FSD2: variants seen among roughly 807,000 people sequenced by gnomAD.
The protein encoded by FSD2 is fibronectin type III and SPRY domain containing 2, also known as fibronectin type III and SPRY domain-containing protein 2.
A neutral mutation model predicts 80.4 loss-of-function variants in FSD2; 71 were observed. The ratio of observed to expected loss-of-function variants is 0.88; its 90% confidence interval spans 0.73 to 1.08. The LOEUF is 1.08. FSD2 is among the 50% of genes least tolerant of loss of function. FSD2 has a pLI of 0.00. For missense variants in FSD2, 923 were observed against 913.8 expected (o/e 1.01, Z -0.13); for synonymous variants, 361 against 329.5 (o/e 1.10, Z -1.03).
At position 82,773,540 on chromosome 15, in the gene FSD2, A is replaced by T. The variant is rs556673726; in HGVS notation, c.1112-1312T>A. Among the ~76,000 whole-genome samples the T allele has an allele frequency of 3.3e-5, 5 of 152,298 alleles. No homozygotes were observed. In the South Asian group the frequency reaches 1.0e-3, roughly 32 times the overall value. ...TCTGGACACAGAAAAGTGAAGAAAAATGTCACTGCTTCTCAAGCACGGATT... is the reference window on the plus strand; with the variant it reads ...TCTGGACACAGAAAAGTGAAGAAAATTGTCACTGCTTCTCAAGCACGGATT... On this transcript the variant is annotated intron_variant, in intron 6 of 12. Transcript: ENST00000334574.
chr15:82,778,426 A>T (rs930104473), intron 6 of FSD2, among the ~76,000 whole-genome samples: 2 of 152,080 alleles, frequency 1.3e-5, no homozygotes, highest in Non-Finnish European at 2.9e-5. Context: ...GCTAAGTGAC[A>T]TTAGCCAGTC....
intron 11 of FSD2, among the ~76,000 whole-genome samples, chr15:82,763,449 A>C (rs1437961287): frequency 6.6e-6 from 1 of 152,224 alleles, no homozygotes; most frequent in Non-Finnish European, 1.5e-5. Flanking sequence ...GTAATAGTAC[A>C]GGGCTGTTAG....
chr15:82,789,972 C>T (rs1031262342), intron 1 of FSD2, among the ~76,000 whole-genome samples: 3 of 152,104 alleles, frequency 2.0e-5, no homozygotes, highest in Admixed American at 1.3e-4. Flanking sequence ...GTCAGGAGTT[C>T]GAGACCAGCC....
intron 4 of FSD2, among the ~76,000 whole-genome samples, chr15:82,781,782 G>A (rs1050156027): frequency 2.6e-5 from 4 of 151,996 alleles, no homozygotes; most frequent in East Asian, 1.9e-4. Flanking sequence ...ACTCTTGGCC[G>A]GGCGCGGTGG....
chr15:82,766,377 T>C lies in FSD2; in HGVS notation c.1554-346A>G, dbSNP rs920991793. On this transcript the variant is annotated intron_variant, in intron 9 of 12. Coordinates refer to ENST00000334574, the MANE Select transcript of FSD2 (RefSeq NM_001007122.4). ...AATCCAGTGTGTCTCTGTCCGTCTG[T>C]TAGGATCATAATGTCTCTGAGGTCA... Among the ~76,000 whole-genome samples, 3 of 152,150 alleles carry C rather than the reference T, an allele frequency of 2.0e-5. No homozygotes were observed. In the East Asian group the frequency reaches 5.8e-4, roughly 29 times the overall value.
intron 11 of FSD2, among the ~76,000 whole-genome samples, chr15:82,763,078 TTCTACC>T (rs1170382870): frequency 7.2e-5 from 11 of 152,332 alleles, no homozygotes; most frequent in East Asian, 3.9e-4. Flanking sequence ...GTTGGTTAAC[TTCTACC>T]TCGGTTACCT....
Position 82,769,787 on chromosome 15 carries a change from G to T in FSD2, c.1365C>A (p.Gly455=), listed in dbSNP as rs1355241290. ...CTGCACGCTCGCTAGAGGGGCTGGG[G>T]CCAGCCCTGTTGTGAGCTGTGACCC... ...EFWVTAHNRA[G]PSPSSERAVY... Residue 455 remains glycine (G), a synonymous_variant, in exon 8 of 13, where the codon GGC becomes GGA. Transcript: ENST00000334574. The T allele has an allele frequency of 1.2e-6, 2 of 1,613,920 alleles. No individual in the cohort carries two copies.
rs1311806579 is a variant in FSD2 at position 82,777,380 on chromosome 15, TC to T, written c.1111+1385del. Among the ~76,000 whole-genome samples, 4 of 151,734 alleles carry T rather than the reference TC, an allele frequency of 2.6e-5. No homozygotes were observed. In the East Asian group the frequency reaches 7.7e-4, roughly 29 times the overall value. ...ATCTTCTACAACTCAATAGCAAAAA[TC>T]CAAACCGATTAAAAAATGGGCAAAG... On this transcript the variant is annotated intron_variant, in intron 6 of 12. Transcript: ENST00000334574.
Position 82,787,167 on chromosome 15 carries a change from A to T in FSD2, c.224T>A (p.Val75Asp). The change falls in exon 2 of 13, where the codon GTC becomes GAC. Residue 75 changes from valine to aspartate, a missense_variant. By Grantham distance (152) the Val-to-Asp change is radical. Transcript: ENST00000334574. ...ATCATCTTCAAGTCCATATAAGTGG[A>T]CAAGTTCATCCACTTCCTCTTGAAG... is the stretch of plus-strand genomic sequence containing the variant. Reference protein sequence around the residue: ...RDLQEEVDELVHLYGLEDDHE... With the variant: ...RDLQEEVDELDHLYGLEDDHE... 1 of 1,613,986 alleles carries T rather than the reference A, an allele frequency of 6.2e-7. No individual in the cohort carries two copies. The highest frequency in any genetic ancestry group is 2.2e-5 in the East Asian group (1 of 44,880).
intron 4 of FSD2, 126 bp from the exon 5 acceptor site, chr15:82,780,393 G>A: frequency 4.8e-6 from 3 of 631,558 alleles, no homozygotes; most frequent in Non-Finnish European, 7.8e-6. Flanking sequence ...GGAGTGCAAT[G>A]GCACAATCTC....
chr15:82,795,447 T>A (rs1446531029), intron 1 of FSD2, among the ~76,000 whole-genome samples: 1 of 152,108 alleles, frequency 6.6e-6, no homozygotes, highest in African/African-American at 2.4e-5. Context: ...GGATAATAAA[T>A]CAGAGGTTAG....
At position 82,759,612 on chromosome 15, in the gene FSD2, A is replaced by ATT. The variant is rs1461317237; in HGVS notation, c.1998-14_1998-13dup. On this transcript the variant is annotated splice_polypyrimidine_tract_variant and intron_variant, in intron 12 of 12. Transcript: ENST00000334574. ...ATTCATACTTATGCCTGAAAATTAA[A>ATT]TTTGACATAATAAAGTTTCAGTAAT... 1 of 1,538,366 alleles carries ATT rather than the reference A, an allele frequency of 6.5e-7. No individual in the cohort carries two copies. Among genetic ancestry groups the ATT allele is most frequent in the Non-Finnish European group, 8.8e-7 (1 of 1,139,884 alleles).
intron 4 of FSD2, 27 bp downstream of exon 4, chr15:82,782,768 A>C (rs2049898959): frequency 1.3e-6 from 2 of 1,520,912 alleles, no homozygotes; most frequent in Non-Finnish European, 1.8e-6. Context: ...CATTATGTTC[A>C]TTATTTCATT....
chr15:82,792,720 G>A (rs1177131753), intron 1 of FSD2, among the ~76,000 whole-genome samples: 1 of 152,058 alleles, frequency 6.6e-6, no homozygotes, highest in Non-Finnish European at 1.5e-5. Context: ...AATCCCACTT[G>A]GTCATAATGC....
At position 82,762,332 on chromosome 15, in the gene FSD2, T is replaced by C. The variant is rs2049312844; in HGVS notation, c.1821-54A>G. 3 of 1,565,956 alleles carry C rather than the reference T, an allele frequency of 1.9e-6. No individual in the cohort carries two copies. The Admixed American group carries it at 5.3e-5, about 28-fold the overall frequency. ...ATCTGGGGTGCCCCAAGCCTGGCTG[T>C]GCAGGTCAGTGATGCCAGTTGCTGG... On this transcript the variant is annotated intron_variant, in intron 11 of 12. Transcript: ENST00000334574.
chr15:82,767,299 G>C lies in FSD2; in HGVS notation c.1554-1268C>G, dbSNP rs1232501813. On this transcript the variant is annotated intron_variant, in intron 9 of 12. Coordinates refer to ENST00000334574, the MANE Select transcript of FSD2 (RefSeq NM_001007122.4). ...TTTGAGCAGAGCTCTGAAGAATGCT[G>C]AGGAGGTAACTGGATGAAAAAGGGA... 2.0e-5 allele frequency among the ~76,000 whole-genome samples: 3 copies of C among 152,234 alleles called. No homozygotes were observed. In the East Asian group the frequency reaches 5.8e-4, roughly 29 times the overall value.
chr15:82,782,900 G>A lies in FSD2; in HGVS notation c.861C>T (p.Ala287=), dbSNP rs752752473. Residue 287 remains alanine, a synonymous_variant, in exon 4 of 13, where the codon GCC becomes GCT. Coordinates refer to ENST00000334574, the MANE Select transcript of FSD2 (RefSeq NM_001007122.4). ...LGEKKKEKLE[A]LYGQLVSCGE... is the part of the protein sequence containing the mutation. The stretch of plus-strand genomic sequence containing the variant: ...CACAGCTGACCAGTTGTCCATATAA[G>A]GCTTCCAGCTTCTCTTTCTTTTTCT... The A allele has an allele frequency of 5.6e-6, 9 of 1,613,666 alleles. No homozygotes were observed. The highest frequency in any genetic ancestry group is 7.6e-6 in the Non-Finnish European group (9 of 1,179,844).
intron 12 of FSD2, among the ~76,000 whole-genome samples, chr15:82,761,227 A>G (rs928053875): frequency 5.9e-5 from 9 of 152,164 alleles, no homozygotes; most frequent in Non-Finnish European, 1.2e-4. Context: ...CAGAGGCCCC[A>G]TTTTACAAGG....
intron 1 of FSD2, among the ~76,000 whole-genome samples, chr15:82,796,063 C>T (rs1385965418): frequency 3.5e-5 from 5 of 142,090 alleles, no homozygotes; most frequent in Admixed American, 3.0e-4. Context: ...AGTGCAGTGG[C>T]GCGATCTCTG....
Sources: allele counts gnomAD v4.1 joint callset (sites outside exome capture counted in the v4.1 genomes callset), GRCh38; gene constraint gnomAD v4.1.1; transcripts MANE v1.5; gene names NCBI Gene and HGNC (gene_info 2026-07-23, HGNC 2026-07-21).